SLCO2A1: variants seen among roughly 807,000 people sequenced by gnomAD.
SLCO2A1 encodes matrin F/G 1.
A neutral mutation model predicts 71.7 loss-of-function variants in SLCO2A1; 60 were observed. The observed-to-expected ratio is 0.84, with a 90% confidence interval of 0.68 to 1.04. The LOEUF (loss-of-function observed/expected upper bound fraction) is 1.04, where lower values mean the gene tolerates loss of function less well. Ranked by LOEUF, SLCO2A1 falls within the 50% of genes least tolerant of loss-of-function variation. The pLI, the probability that SLCO2A1 is intolerant of heterozygous loss-of-function variation, is 0.00. For synonymous variants in SLCO2A1, 308 were observed against 326.7 expected (o/e 0.94, Z 0.62); for missense variants, 745 against 813.4 (o/e 0.92, Z 1.02).
At chr3:134,020,240 T>C (rs1302394961) in intron 1 of SLCO2A1, among the ~76,000 whole-genome samples, 3 of 152,230 alleles carry the variant, frequency 2.0e-5, no homozygotes, top group Admixed American at 2.0e-4. Flanking sequence ...GCTCGGCTCT[T>C]AAGACAGGAG....
chr3:133,937,622 C>T (rs1431703483), intron 12 of SLCO2A1, among the ~76,000 whole-genome samples: 1 of 152,196 alleles, frequency 6.6e-6, no homozygotes, highest in African/African-American at 2.4e-5. Context: ...AGAAACGACA[C>T]CTTATAGTAA....
chr3:133,946,721 T>G (rs761534871), intron 9 of SLCO2A1, among the ~76,000 whole-genome samples: 1 of 152,232 alleles, frequency 6.6e-6, no homozygotes, highest in Non-Finnish European at 1.5e-5. Context: ...AACAGAACTC[T>G]AACCCTGATT....
intron 9 of SLCO2A1, among the ~76,000 whole-genome samples, chr3:133,945,986 G>A (rs148000620): frequency 0.017 from 2,570 of 152,184 alleles, 55 homozygotes; most frequent in South Asian, 0.087. Flanking sequence ...CTTAGATAAG[G>A]TAAGCAACTT....
At chr3:134,028,962 T>G (rs1423061641) in intron 1 of SLCO2A1, among the ~76,000 whole-genome samples, 2 of 147,186 alleles carry the variant, frequency 1.4e-5, no homozygotes. Context: ...ACACCCTATC[T>G]TCTCACCCGC....
At chr3:134,015,317 C>T (rs751847925) in intron 1 of SLCO2A1, among the ~76,000 whole-genome samples, 5 of 151,922 alleles carry the variant, frequency 3.3e-5, no homozygotes, top group Admixed American at 6.6e-5. Flanking sequence ...GGACATTATG[C>T]TAAGTGAAAT....
At chr3:133,996,689 C>A (rs1934973772) in intron 1 of SLCO2A1, among the ~76,000 whole-genome samples, 2 of 152,192 alleles carry the variant, frequency 1.3e-5, no homozygotes, top group South Asian at 4.1e-4. Context: ...TGACCACAGG[C>A]TGTCTTCCAA....
At chr3:134,005,649 T>G (rs1228140767) in intron 1 of SLCO2A1, among the ~76,000 whole-genome samples, 1 of 151,742 alleles carries the variant, frequency 6.6e-6, no homozygotes, top group Non-Finnish European at 1.5e-5. Flanking sequence ...GCCCGGCTAA[T>G]TTTTTGTATT....
chr3:133,983,535 C>T (rs1934641621), intron 1 of SLCO2A1, among the ~76,000 whole-genome samples: 1 of 152,242 alleles, frequency 6.6e-6, no homozygotes, highest in Admixed American at 6.5e-5. Flanking sequence ...GCACCTGCTG[C>T]CACCTTGTCC....
chr3:133,954,066 C>G (rs1333722695), intron 4 of SLCO2A1, among the ~76,000 whole-genome samples: 1 of 151,054 alleles, frequency 6.6e-6, no homozygotes, highest in East Asian at 1.9e-4. Flanking sequence ...TGGGGGCCCT[C>G]GGAGGAGCTC....
chr3:133,967,833 C>A (rs1450016484), intron 3 of SLCO2A1, among the ~76,000 whole-genome samples: 3 of 111,346 alleles, frequency 2.7e-5, no homozygotes, highest in Non-Finnish European at 4.0e-5. Context: ...CCATACCCCC[C>A]ACACATGAAC....
At chr3:133,996,805 C>T (rs1237151671) in intron 1 of SLCO2A1, among the ~76,000 whole-genome samples, 1 of 152,166 alleles carries the variant, frequency 6.6e-6, no homozygotes, top group South Asian at 2.1e-4. Flanking sequence ...AAAATAAAAA[C>T]CCAGTGTGCA....
At chr3:133,991,648 T>C (rs1481663723) in intron 1 of SLCO2A1, among the ~76,000 whole-genome samples, 1 of 152,140 alleles carries the variant, frequency 6.6e-6, no homozygotes, top group East Asian at 1.9e-4. Flanking sequence ...AAGAAACACA[T>C]AGATTTCCAT....
intron 9 of SLCO2A1, among the ~76,000 whole-genome samples, chr3:133,945,982 T>A (rs1009211438): frequency 1.3e-5 from 2 of 152,136 alleles, no homozygotes; most frequent in Non-Finnish European, 2.9e-5. Context: ...AAAGCTTAGA[T>A]AAGGTAAGCA....
chr3:133,935,477 G>A (rs934247320), intron 13 of SLCO2A1, among the ~76,000 whole-genome samples: 6 of 152,114 alleles, frequency 3.9e-5, no homozygotes, highest in Non-Finnish European at 5.9e-5. Context: ...AGCCATCCCC[G>A]CCCCTTCTTT....
chr3:133,990,979 A>G (rs1934828172), intron 1 of SLCO2A1, among the ~76,000 whole-genome samples: 1 of 152,102 alleles, frequency 6.6e-6, no homozygotes, highest in East Asian at 1.9e-4. Flanking sequence ...GTGTGGGGGC[A>G]AAGGCCTGTA....
At chr3:134,021,882 C>T (rs538434585) in intron 1 of SLCO2A1, among the ~76,000 whole-genome samples, 198 of 151,986 alleles carry the variant, frequency 1.3e-3, no homozygotes, top group Non-Finnish European at 2.4e-3. Flanking sequence ...TAAACAAGGG[C>T]GTATCCTGAA....
intron 1 of SLCO2A1, among the ~76,000 whole-genome samples, chr3:134,019,280 T>C (rs752641803): frequency 3.3e-5 from 5 of 152,186 alleles, no homozygotes; most frequent in Non-Finnish European, 5.9e-5. Flanking sequence ...ATGAGGACAA[T>C]AATAGTATCC....
chr3:133,934,887 A>G, intron 13 of SLCO2A1, 57 bp from the exon 14 acceptor site: 1 of 1,405,658 alleles, frequency 7.1e-7, no homozygotes. Context: ...CCCACATCCC[A>G]GGGCCAGGAC....
intron 2 of SLCO2A1, among the ~76,000 whole-genome samples, chr3:133,975,131 G>A (rs1313404492): frequency 1.3e-5 from 2 of 152,054 alleles, no homozygotes; most frequent in African/African-American, 4.8e-5. Context: ...TGGGCCCAGA[G>A]CTCTGCCCCT....
Sources: gnomAD v4.1 joint callset for allele counts (sites outside exome capture counted in the v4.1 genomes callset) on GRCh38, gnomAD v4.1.1 for gene constraint, MANE v1.5 for transcripts, NCBI Gene and HGNC (gene_info 2026-07-23, HGNC 2026-07-21) for gene names.